LRMDA: variants seen among roughly 807,000 people sequenced by gnomAD.
LRMDA encodes the protein leucine rich melanocyte differentiation associated, also known as leucine-rich melanocyte differentiation-associated protein.
Under a neutral mutation model 29.8 loss-of-function variants are expected in LRMDA, and 18 were observed. The observed-to-expected ratio is 0.60, with a 90% CI of 0.42 to 0.90. The LOEUF (loss-of-function observed/expected upper bound fraction) is 0.90, where lower values mean the gene tolerates loss of function less well. Ranked by LOEUF, LRMDA falls within the 40% of genes least tolerant of loss-of-function variation. The pLI is 0.00. For synonymous variants in LRMDA, 125 were observed against 109.4 expected (o/e 1.14, Z -0.89); for missense variants, 273 against 273.9 (o/e 1.00, Z 0.02).
chr10:76,057,046 T>C (rs1488510923), intron 4 of LRMDA, among the ~76,000 whole-genome samples: 2 of 152,182 alleles, frequency 1.3e-5, no homozygotes, highest in Non-Finnish European at 2.9e-5. Context: ...AAGGCTCCAG[T>C]GAAGGCAAGC....
intron 2 of LRMDA, among the ~76,000 whole-genome samples, chr10:75,511,434 G>T (rs74924931): frequency 1.3e-5 from 2 of 152,316 alleles, no homozygotes; most frequent in East Asian, 3.9e-4. Flanking sequence ...CTGTGAGCCC[G>T]TTTCCTCAGG....
intron 5 of LRMDA, chr10:76,318,402 G>A (rs950263699): frequency 1.3e-5 from 2 of 152,180 alleles, no homozygotes; most frequent in Admixed American, 1.3e-4. Context: ...GGGAAGCTCT[G>A]GGCCATTGCC....
intron 2 of LRMDA, among the ~76,000 whole-genome samples, chr10:75,799,516 CT>C (rs548770821): frequency 1.9e-4 from 27 of 145,278 alleles, no homozygotes; most frequent in Admixed American, 2.8e-4. Flanking sequence ...TAATCTTTTT[CT>C]TTTTTTTTTT....
intron 2 of LRMDA, among the ~76,000 whole-genome samples, chr10:75,943,147 C>T (rs1302007892): frequency 6.6e-6 from 1 of 150,524 alleles, no homozygotes. Context: ...AGCAAAAGCA[C>T]CCACTGATGT....
At chr10:75,911,811 G>A (rs546795078) in intron 2 of LRMDA, among the ~76,000 whole-genome samples, 5 of 152,312 alleles carry the variant, frequency 3.3e-5, no homozygotes, top group Admixed American at 6.5e-5. Context: ...CTGAGTGCCT[G>A]CCACATGCCC....
intron 2 of LRMDA, among the ~76,000 whole-genome samples, chr10:75,937,264 C>T (rs1846311763): frequency 6.6e-6 from 1 of 152,202 alleles, no homozygotes; most frequent in South Asian, 2.1e-4. Context: ...CCAGGAAAAG[C>T]TCCACCCTAA....
chr10:76,330,861 A>C (rs1281557072), intron 6 of LRMDA, among the ~76,000 whole-genome samples: 1 of 152,246 alleles, frequency 6.6e-6, no homozygotes, highest in Non-Finnish European at 1.5e-5. Context: ...TTATAAACAA[A>C]ATCTACAGAA....
intron 5 of LRMDA, among the ~76,000 whole-genome samples, chr10:76,231,011 T>C (rs929563921): frequency 6.6e-6 from 1 of 152,206 alleles, no homozygotes; most frequent in African/African-American, 2.4e-5. Flanking sequence ...TATTAGCTTG[T>C]TTGCAAAGGG....
At chr10:75,804,326 G>A (rs1011620688) in intron 2 of LRMDA, among the ~76,000 whole-genome samples, 2 of 152,162 alleles carry the variant, frequency 1.3e-5, no homozygotes, top group African/African-American at 4.8e-5. Flanking sequence ...CGATGGAGTC[G>A]ATAGCTCTCA....
At chr10:76,186,648 A>G (rs1851155481) in intron 5 of LRMDA, among the ~76,000 whole-genome samples, 1 of 152,178 alleles carries the variant, frequency 6.6e-6, no homozygotes, top group Non-Finnish European at 1.5e-5. Flanking sequence ...GTAGCCAGAG[A>G]ATACAGAGGC....
At chr10:75,995,801 T>A (rs1387806836) in intron 2 of LRMDA, among the ~76,000 whole-genome samples, 1 of 152,188 alleles carries the variant, frequency 6.6e-6, no homozygotes, top group African/African-American at 2.4e-5. Context: ...TGGGTCACTT[T>A]CTGAGACAAA....
intron 2 of LRMDA, among the ~76,000 whole-genome samples, chr10:75,766,733 C>T (rs1357290844): frequency 1.3e-5 from 2 of 151,910 alleles, no homozygotes; most frequent in Admixed American, 1.3e-4. Flanking sequence ...CCTATCAACC[C>T]ATCATCTAGG....
intron 2 of LRMDA, among the ~76,000 whole-genome samples, chr10:75,801,246 C>A (rs1843739429): frequency 1.3e-5 from 2 of 152,214 alleles, no homozygotes; most frequent in African/African-American, 2.4e-5. Flanking sequence ...GAGATGTATG[C>A]AGATTTCCTC....
chr10:76,192,279 G>A (rs950200257), intron 5 of LRMDA, among the ~76,000 whole-genome samples: 5 of 152,144 alleles, frequency 3.3e-5, no homozygotes, highest in Admixed American at 3.3e-4. Context: ...CAGAGCTTGG[G>A]ACTCTTCATT....
At chr10:75,706,494 G>C (rs972644144) in intron 2 of LRMDA, among the ~76,000 whole-genome samples, 1 of 152,138 alleles carries the variant, frequency 6.6e-6, no homozygotes, top group African/African-American at 2.4e-5. Context: ...TATTCCTATA[G>C]AGAATTTTGG....
intron 2 of LRMDA, among the ~76,000 whole-genome samples, chr10:75,939,936 G>A (rs1035580358): frequency 4.0e-4 from 61 of 152,276 alleles, no homozygotes; most frequent in African/African-American, 1.4e-3. Context: ...CAACACACGT[G>A]CCTTTAGCAG....
At chr10:75,457,764 G>T (rs1053394546) in intron 2 of LRMDA, among the ~76,000 whole-genome samples, 3 of 152,342 alleles carry the variant, frequency 2.0e-5, no homozygotes, top group South Asian at 2.1e-4. Flanking sequence ...TACAGGCAAA[G>T]AATATTGTCC....
chr10:76,176,080 C>T (rs893801538), intron 5 of LRMDA, among the ~76,000 whole-genome samples: 4 of 152,180 alleles, frequency 2.6e-5, no homozygotes, highest in Admixed American at 6.5e-5. Context: ...TTTTGCCATT[C>T]ATAGACTCTT....
chr10:76,021,758 AAGGAG>A (rs1391484722), intron 2 of LRMDA, among the ~76,000 whole-genome samples: 1 of 152,156 alleles, frequency 6.6e-6, no homozygotes, highest in East Asian at 1.9e-4. Context: ...CCAGAGAGAG[AAGGAG>A]AGACCTGCTC....
Sources: allele counts gnomAD v4.1 joint callset (sites outside exome capture counted in the v4.1 genomes callset), GRCh38; gene constraint gnomAD v4.1.1; transcripts MANE v1.5; gene names NCBI Gene and HGNC (gene_info 2026-07-23, HGNC 2026-07-21).